ST6GALNAC3: variants seen among roughly 807,000 people sequenced by gnomAD.
ST6GALNAC3 encodes ST6 N-acetylgalactosaminide alpha-2,6-sialyltransferase 3, also known as alpha-N-acetylgalactosaminide alpha-2,6-sialyltransferase 3.
Under a neutral mutation model 32.7 loss-of-function variants are expected in ST6GALNAC3, and 25 were observed. The observed-to-expected ratio is 0.76, with a 90% CI of 0.56 to 1.07. The LOEUF is 1.07. ST6GALNAC3 is among the 50% of genes least tolerant of loss of function. ST6GALNAC3 has a pLI of 0.00. For missense variants in ST6GALNAC3, 355 were observed against 382.4 expected (o/e 0.93, Z 0.60); for synonymous variants, 129 against 133.1 (o/e 0.97, Z 0.21).
At chr1:76,405,029 C>A (rs10218675) in intron 2 of ST6GALNAC3, among the ~76,000 whole-genome samples, 1 of 151,828 alleles carries the variant, frequency 6.6e-6, no homozygotes, top group Non-Finnish European at 1.5e-5. Context: ...ATTCATTTTC[C>A]GGATGGGGCT....
chr1:76,149,444 A>T (rs1650901113), intron 1 of ST6GALNAC3, among the ~76,000 whole-genome samples: 1 of 152,212 alleles, frequency 6.6e-6, no homozygotes, highest in Non-Finnish European at 1.5e-5. Context: ...GGGCTTTAGG[A>T]TAATCCCCAC....
intron 3 of ST6GALNAC3, among the ~76,000 whole-genome samples, chr1:76,478,991 C>G (rs1336852311): frequency 1.3e-5 from 2 of 151,948 alleles, no homozygotes; most frequent in African/African-American, 2.4e-5. Context: ...TCTCGATCTC[C>G]TGACCTTGTG....
intron 1 of ST6GALNAC3, among the ~76,000 whole-genome samples, chr1:76,253,864 A>C (rs1374153672): frequency 6.6e-6 from 1 of 152,112 alleles, no homozygotes; most frequent in Non-Finnish European, 1.5e-5. Context: ...GCATTGCCTC[A>C]CATCTTCCAG....
chr1:76,489,672 G>A (rs1407655850), intron 3 of ST6GALNAC3, among the ~76,000 whole-genome samples: 2 of 152,084 alleles, frequency 1.3e-5, no homozygotes, highest in East Asian at 3.9e-4. Context: ...TCCAAAGGTG[G>A]AGCCCTGCTT....
intron 3 of ST6GALNAC3, among the ~76,000 whole-genome samples, chr1:76,475,895 T>C (rs1056004470): frequency 2.0e-5 from 3 of 151,174 alleles, no homozygotes; most frequent in Non-Finnish European, 2.9e-5. Context: ...TTCCCCTCAC[T>C]GTGTCCTTCT....
intron 1 of ST6GALNAC3, among the ~76,000 whole-genome samples, chr1:76,276,486 G>A (rs1256729334): frequency 6.6e-6 from 1 of 152,046 alleles, no homozygotes; most frequent in Non-Finnish European, 1.5e-5. Flanking sequence ...ATCCATGCTG[G>A]TGGATGAATC....
chr1:76,296,364 C>T (rs1660404863), intron 1 of ST6GALNAC3, among the ~76,000 whole-genome samples: 1 of 152,112 alleles, frequency 6.6e-6, no homozygotes, highest in Admixed American at 6.6e-5. Context: ...ACTTTTACCA[C>T]TAAATGGTAG....
At chr1:76,617,183 A>G (rs749588386) in intron 3 of ST6GALNAC3, among the ~76,000 whole-genome samples, 1 of 152,208 alleles carries the variant, frequency 6.6e-6, no homozygotes, top group Non-Finnish European at 1.5e-5. Context: ...TTTTGTCAGA[A>G]TAAGTTTGGG....
chr1:76,523,035 A>C (rs984494427), intron 3 of ST6GALNAC3, among the ~76,000 whole-genome samples: 3 of 152,118 alleles, frequency 2.0e-5, no homozygotes, highest in Non-Finnish European at 4.4e-5. Flanking sequence ...GTCCATCCCC[A>C]TGTGTTCCAG....
chr1:76,530,204 A>G (rs1226903954), intron 3 of ST6GALNAC3, among the ~76,000 whole-genome samples: 1 of 152,104 alleles, frequency 6.6e-6, no homozygotes, highest in East Asian at 1.9e-4. Context: ...CAAGGTTTTT[A>G]TTTCCGTTCT....
At chr1:76,617,354 T>TA (rs1648363761) in intron 3 of ST6GALNAC3, among the ~76,000 whole-genome samples, 1 of 151,712 alleles carries the variant, frequency 6.6e-6, no homozygotes, top group Admixed American at 6.6e-5. Flanking sequence ...TCCAACCTGT[T>TA]ACAATCTTTT....
chr1:76,396,179 A>G (rs1026591538), intron 2 of ST6GALNAC3, among the ~76,000 whole-genome samples: 8 of 152,170 alleles, frequency 5.3e-5, no homozygotes, highest in East Asian at 1.9e-4. Flanking sequence ...GAAATGACCA[A>G]TTGGGCCAGG....
At chr1:76,619,583 CT>C (rs1424425902) in intron 3 of ST6GALNAC3, among the ~76,000 whole-genome samples, 1 of 152,208 alleles carries the variant, frequency 6.6e-6, no homozygotes, top group East Asian at 1.9e-4. Context: ...CTTCTGGATA[CT>C]TTTCCCCAGA....
intron 1 of ST6GALNAC3, among the ~76,000 whole-genome samples, chr1:76,088,770 G>A (rs1346394298): frequency 1.3e-5 from 2 of 152,250 alleles, no homozygotes; most frequent in Admixed American, 6.5e-5. Flanking sequence ...GCTTATCGCT[G>A]TGTATCTATC....
intron 3 of ST6GALNAC3, among the ~76,000 whole-genome samples, chr1:76,595,036 G>A (rs1302365554): frequency 6.6e-6 from 1 of 152,144 alleles, no homozygotes; most frequent in African/African-American, 2.4e-5. Flanking sequence ...AAAAAGGAGA[G>A]CTGTTTTGCC....
chr1:76,512,976 T>TTTC (rs377058139), intron 3 of ST6GALNAC3, among the ~76,000 whole-genome samples: 1 of 151,542 alleles, frequency 6.6e-6, no homozygotes, highest in East Asian at 1.9e-4. Context: ...AATATCTATT[T>TTTC]AGGTATATTG....
At chr1:76,349,393 G>A (rs1648792321) in intron 2 of ST6GALNAC3, among the ~76,000 whole-genome samples, 1 of 152,164 alleles carries the variant, frequency 6.6e-6, no homozygotes. Context: ...CTGTGTGGAA[G>A]GCAATATCCT....
downstream of ST6GALNAC3, among the ~76,000 whole-genome samples, chr1:76,636,480 G>A (rs61771674): frequency 0.12 from 18,558 of 151,982 alleles, 1,471 homozygotes; most frequent in Admixed American, 0.24. Flanking sequence ...TTAAATTTAG[G>A]AATTTCTCTC....
chr1:76,434,187 A>G (rs1655970006), intron 3 of ST6GALNAC3, among the ~76,000 whole-genome samples: 1 of 152,184 alleles, frequency 6.6e-6, no homozygotes, highest in African/African-American at 2.4e-5. Flanking sequence ...CTCCTTTCTA[A>G]GGTGGCAGGA....
Sources: allele counts gnomAD v4.1 joint callset (sites outside exome capture counted in the v4.1 genomes callset), GRCh38; gene constraint gnomAD v4.1.1; transcripts MANE v1.5; gene names NCBI Gene and HGNC (gene_info 2026-07-23, HGNC 2026-07-21).